The following CDH23 variants were observed in gnomAD, a reference collection of about 807,000 sequenced individuals.
The protein encoded by CDH23 is cadherin related 23.
Under a neutral mutation model 317.1 loss-of-function variants are expected in CDH23, and 189 were observed. That is an observed-to-expected ratio of 0.60 (90% CI 0.53 to 0.67). The LOEUF (loss-of-function observed/expected upper bound fraction) is 0.67, where lower values mean the gene tolerates loss of function less well. Ranked by LOEUF, CDH23 falls within the 30% of genes least tolerant of loss-of-function variation. The probability of loss-of-function intolerance (pLI) is 0.00; values close to 1 mark genes in which losing one functional copy is unlikely to be tolerated. For synonymous variants in CDH23, 1,839 were observed against 1,876.8 expected, an observed-to-expected ratio of 0.98 and a Z score of 0.52; for missense variants, 4,401 against 4,592.4, an observed-to-expected ratio of 0.96 and a Z score of 1.20.
At chr10:71,598,109 G>A (rs542483263) in intron 9 of CDH23, among the ~76,000 whole-genome samples, 7 of 152,364 alleles carry the variant, frequency 4.6e-5, no homozygotes, top group Admixed American at 2.6e-4. Flanking sequence ...CCGGCCTTTC[G>A]TAATTAAAGC....
chr10:71,464,748 A>G (rs1851166184), intron 3 of CDH23, among the ~76,000 whole-genome samples: 1 of 152,202 alleles, frequency 6.6e-6, no homozygotes, highest in African/African-American at 2.4e-5. Context: ...ATGTGTTCCC[A>G]TGTGCCTCTT....
intron 12 of CDH23, among the ~76,000 whole-genome samples, chr10:71,644,183 A>T (rs1219852376): frequency 6.6e-6 from 1 of 152,200 alleles, no homozygotes; most frequent in African/African-American, 2.4e-5. Flanking sequence ...CCTTGCCCCC[A>T]CATCCCCTGG....
chr10:71,753,511 A>C (rs1180954001), intron 38 of CDH23, among the ~76,000 whole-genome samples: 1 of 152,172 alleles, frequency 6.6e-6, no homozygotes, highest in Non-Finnish European at 1.5e-5. Flanking sequence ...ACATTGCCTA[A>C]TAGGGTGGCA....
chr10:71,749,782 C>G (rs1291630093), intron 38 of CDH23: 1 of 152,380 alleles, frequency 6.6e-6, no homozygotes, highest in East Asian at 1.9e-4. Flanking sequence ...TGCTGCCAGG[C>G]AGCCTAGAGG....
intron 14 of CDH23, among the ~76,000 whole-genome samples, chr10:71,655,448 G>A (rs1863376651): frequency 6.6e-6 from 1 of 151,988 alleles, no homozygotes; most frequent in African/African-American, 2.4e-5. Flanking sequence ...TGAACCTCAG[G>A]GCCAGCCTCC....
intron 9 of CDH23, among the ~76,000 whole-genome samples, chr10:71,597,590 G>C (rs921780766): frequency 1.2e-4 from 19 of 152,118 alleles, no homozygotes; most frequent in African/African-American, 4.6e-4. Context: ...CAGTGCAGGA[G>C]GGCAGTAGGG....
intron 3 of CDH23, among the ~76,000 whole-genome samples, chr10:71,503,865 G>T (rs1213118878): frequency 6.6e-6 from 1 of 152,060 alleles, no homozygotes; most frequent in African/African-American, 2.4e-5. Flanking sequence ...CCAGCCAAAG[G>T]CACAATCAGG....
chr10:71,777,638 T>C, intron 38 of CDH23, 42 bp from the exon 39 acceptor site: 6 of 1,558,144 alleles, frequency 3.9e-6, no homozygotes, highest in Non-Finnish European at 5.2e-6. Context: ...CCTTGGTCCC[T>C]CTGGCCACCT....
intron 3 of CDH23, among the ~76,000 whole-genome samples, chr10:71,491,031 A>G (rs191871839): frequency 1.6e-4 from 24 of 152,214 alleles, no homozygotes; most frequent in Non-Finnish European, 4.4e-5. Flanking sequence ...AATAAAATAA[A>G]AAGAGGGGCT....
At chr10:71,633,435 T>A (rs1862114454) in intron 11 of CDH23, among the ~76,000 whole-genome samples, 2 of 152,050 alleles carry the variant, frequency 1.3e-5, no homozygotes, top group South Asian at 4.1e-4. Flanking sequence ...GCCCCAAAGA[T>A]AGGGAATATG....
At chr10:71,686,719 C>T (rs1199151762) in intron 18 of CDH23, among the ~76,000 whole-genome samples, 1 of 152,166 alleles carries the variant, frequency 6.6e-6, no homozygotes, top group Non-Finnish European at 1.5e-5. Context: ...CGGGACTCAG[C>T]CTGACTCCTG....
intron 44 of CDH23, among the ~76,000 whole-genome samples, chr10:71,788,010 G>C (rs1841149615): frequency 6.6e-6 from 1 of 152,234 alleles, no homozygotes; most frequent in Non-Finnish European, 1.5e-5. Flanking sequence ...CCCACCAGCA[G>C]TGTATGAGCA....
chr10:71,509,803 G>A (rs1853851202), intron 3 of CDH23: 1 of 434,638 alleles, frequency 2.3e-6, no homozygotes, highest in South Asian at 3.1e-5. Context: ...AGAGAAAGGG[G>A]GGCAGGCAGA....
In CDH23 at chr10:71,572,436, C is replaced by T. The variant is rs1857880832; in HGVS notation, c.753+1518C>T. Among the ~76,000 whole-genome samples the T allele has an allele frequency of 2.0e-5, 3 of 152,218 alleles. No individual in the cohort carries two copies. The South Asian group carries it at 6.2e-4, about 32-fold the overall frequency. On this transcript the variant is annotated intron_variant, in intron 8 of 69. Coordinates refer to ENST00000224721, the MANE Select transcript of CDH23 (RefSeq NM_022124.6). Reference sequence around the variant, plus strand: ...CAGCACTCTTGAACAACTTGCCCCACCTCTGCTCCCCTGAAGGACTGGAAG... The same window carrying T: ...CAGCACTCTTGAACAACTTGCCCCATCTCTGCTCCCCTGAAGGACTGGAAG...
At position 71,790,047 on chromosome 10, in the gene CDH23, G is replaced by A. The variant is rs551459684; in HGVS notation, c.5924-241G>A. Reference sequence around the variant, plus strand: ...AAGGCAGATGTGGCTCTGGGCAGCCGGGGCCTTGCTCACCACTCTCATGTT... The same window carrying A: ...AAGGCAGATGTGGCTCTGGGCAGCCAGGGCCTTGCTCACCACTCTCATGTT... On this transcript the variant is annotated intron_variant, in intron 45 of 69. Coordinates refer to ENST00000224721, the MANE Select transcript of CDH23 (RefSeq NM_022124.6). Among the ~76,000 whole-genome samples the A allele has an allele frequency of 3.7e-3, 569 of 152,302 alleles. 2 individuals are homozygous for A. The highest frequency in any genetic ancestry group is 0.013 in the African/African-American group (540 of 41,566).
chr10:71,566,390 C>T (rs1364993580), intron 6 of CDH23, among the ~76,000 whole-genome samples: 1 of 151,948 alleles, frequency 6.6e-6, no homozygotes, highest in African/African-American at 2.4e-5. Context: ...AGGCTGGTCC[C>T]CAAAAAGGAA....
At chr10:71,486,342 T>C (rs994912214) in intron 3 of CDH23, among the ~76,000 whole-genome samples, 9 of 152,048 alleles carry the variant, frequency 5.9e-5, no homozygotes, top group African/African-American at 2.2e-4. Context: ...AATGAATGTG[T>C]GACCATCAGG....
intron 12 of CDH23, 134 bp from the exon 13 acceptor site, chr10:71,645,697 T>G: frequency 1.0e-6 from 1 of 988,008 alleles, no homozygotes; most frequent in Non-Finnish European, 1.6e-6. Context: ...CCCTGCTCTG[T>G]CCCAGCGCCT....
intron 9 of CDH23, among the ~76,000 whole-genome samples, chr10:71,588,694 C>A (rs1031346918): frequency 2.0e-5 from 3 of 152,172 alleles, no homozygotes; most frequent in Admixed American, 6.5e-5. Context: ...AAAATCCCCA[C>A]AAAATATTGC....
Sources: allele counts gnomAD v4.1 joint callset (sites outside exome capture counted in the v4.1 genomes callset), GRCh38; gene constraint gnomAD v4.1.1; transcripts MANE v1.5; gene names NCBI Gene and HGNC (gene_info 2026-07-23, HGNC 2026-07-21).